The following RBFOX1 variants were observed in gnomAD, a reference collection of about 807,000 sequenced individuals.
The protein encoded by RBFOX1 is RNA binding fox-1 homolog 1.
A neutral mutation model predicts 57.7 loss-of-function variants in RBFOX1; 8 were observed. That is an observed-to-expected ratio of 0.14 (90% CI 0.08 to 0.25). The LOEUF (loss-of-function observed/expected upper bound fraction) is 0.25. RBFOX1 is among the 10% of genes least tolerant of loss of function. The pLI is 1.00. For missense variants in RBFOX1, 611 were observed against 548.5 expected (o/e 1.11, Z -1.14); for synonymous variants, 326 against 222.4 (o/e 1.47, Z -4.15).
chr16:5,640,574 CACAT>C (rs546192946), intron 3 of RBFOX1, among the ~76,000 whole-genome samples: 55 of 151,928 alleles, frequency 3.6e-4, no homozygotes, highest in Non-Finnish European at 5.4e-4. Context: ...CATATGCACA[CACAT>C]ACACAGATGC....
At chr16:5,666,746 AT>A (rs1209072817) in intron 3 of RBFOX1, among the ~76,000 whole-genome samples, 2 of 152,104 alleles carry the variant, frequency 1.3e-5, no homozygotes, top group African/African-American at 2.4e-5. Flanking sequence ...ATGGATCTCT[AT>A]TTCTCCTGCT....
At chr16:7,056,997 G>C (rs1347738382) in intron 4 of RBFOX1, among the ~76,000 whole-genome samples, 1 of 150,818 alleles carries the variant, frequency 6.6e-6, no homozygotes, top group Non-Finnish European at 1.5e-5. Flanking sequence ...CATAGGATTG[G>C]TGACTGGATA....
At chr16:6,832,388 C>T (rs2092770252) in intron 3 of RBFOX1, among the ~76,000 whole-genome samples, 1 of 152,114 alleles carries the variant, frequency 6.6e-6, no homozygotes, top group Non-Finnish European at 1.5e-5. Context: ...ATGATTTCCC[C>T]AGATTGCTAC....
intron 1 of RBFOX1, among the ~76,000 whole-genome samples, chr16:5,419,121 G>A (rs967905098): frequency 6.6e-6 from 1 of 152,174 alleles, no homozygotes; most frequent in Non-Finnish European, 1.5e-5. Context: ...TCCCTGGTGT[G>A]GAAGGCTGGA....
chr16:5,974,025 A>G (rs573488133), intron 4 of RBFOX1, among the ~76,000 whole-genome samples: 3 of 152,224 alleles, frequency 2.0e-5, no homozygotes, highest in Non-Finnish European at 4.4e-5. Flanking sequence ...CCTCATTTGT[A>G]AAATAGAGAT....
At chr16:6,175,829 C>T (rs2097002338) in intron 1 of RBFOX1, among the ~76,000 whole-genome samples, 1 of 152,012 alleles carries the variant, frequency 6.6e-6, no homozygotes, top group Non-Finnish European at 1.5e-5. Context: ...CACACGGGGA[C>T]AATCAGAAAT....
chr16:6,108,913 C>G (rs1597383377), intron 1 of RBFOX1, among the ~76,000 whole-genome samples: 1 of 152,162 alleles, frequency 6.6e-6, no homozygotes, highest in Non-Finnish European at 1.5e-5. Flanking sequence ...CCTAGATAAT[C>G]CAGAATAATC....
At chr16:6,724,524 G>A (rs957574083) in intron 3 of RBFOX1, among the ~76,000 whole-genome samples, 2 of 152,048 alleles carry the variant, frequency 1.3e-5, no homozygotes, top group Admixed American at 6.5e-5. Flanking sequence ...TTCTGTGGAC[G>A]AGGAAGCAGG....
At chr16:7,028,732 C>A (rs1204650495) in intron 3 of RBFOX1, among the ~76,000 whole-genome samples, 1 of 150,818 alleles carries the variant, frequency 6.6e-6, no homozygotes, top group South Asian at 2.1e-4. Context: ...ACTTGATATG[C>A]ACAGGAAATG....
chr16:7,121,607 A>C (rs376929104), intron 4 of RBFOX1, among the ~76,000 whole-genome samples: 209 of 152,186 alleles, frequency 1.4e-3, no homozygotes, highest in African/African-American at 4.5e-3. Flanking sequence ...TCATTGTAGT[A>C]AAAGTATTAA....
chr16:5,820,001 G>A (rs1188248495), intron 3 of RBFOX1, among the ~76,000 whole-genome samples: 2 of 152,182 alleles, frequency 1.3e-5, no homozygotes, highest in East Asian at 3.9e-4. Context: ...CACCAGACCG[G>A]GACCTCTGGC....
chr16:5,768,128 T>C (rs1370119441), intron 3 of RBFOX1, among the ~76,000 whole-genome samples: 1 of 152,208 alleles, frequency 6.6e-6, no homozygotes, highest in African/African-American at 2.4e-5. Context: ...GTCAGATTTC[T>C]CTATAGTCTG....
At chr16:6,721,214 A>T (rs1422271649) in intron 3 of RBFOX1, among the ~76,000 whole-genome samples, 1 of 152,198 alleles carries the variant, frequency 6.6e-6, no homozygotes, top group Admixed American at 6.5e-5. Flanking sequence ...AGGCCAAGGC[A>T]GGTGGATCAC....
intron 6 of RBFOX1, among the ~76,000 whole-genome samples, chr16:7,586,143 G>A (rs2094111247): frequency 6.6e-6 from 1 of 152,158 alleles, no homozygotes; most frequent in African/African-American, 2.4e-5. Context: ...AAGAGCATTT[G>A]CTCTCATTCT....
At chr16:5,548,369 A>T (rs963510961) in intron 2 of RBFOX1, among the ~76,000 whole-genome samples, 20 of 151,508 alleles carry the variant, frequency 1.3e-4, no homozygotes, top group Admixed American at 1.3e-3. Context: ...GTACTCCCTG[A>T]ATCTAAAATA....
At chr16:6,803,066 TTG>T (rs891493979) in intron 3 of RBFOX1, among the ~76,000 whole-genome samples, 1 of 152,160 alleles carries the variant, frequency 6.6e-6, no homozygotes, top group Non-Finnish European at 1.5e-5. Context: ...AAATGTTACT[TTG>T]TGTGTGTGTT....
At chr16:6,367,548 G>A (rs1161828776) in intron 2 of RBFOX1, among the ~76,000 whole-genome samples, 1 of 152,082 alleles carries the variant, frequency 6.6e-6, no homozygotes, top group African/African-American at 2.4e-5. Context: ...GGGATTACAG[G>A]CGTGAGCCAA....
chr16:7,197,949 C>T (rs962037068), intron 4 of RBFOX1, among the ~76,000 whole-genome samples: 1 of 143,392 alleles, frequency 7.0e-6, no homozygotes, highest in Non-Finnish European at 1.5e-5. Flanking sequence ...TGTGTTTTCT[C>T]TTTTTTCCCC....
chr16:7,572,210 A>G (rs188667264), intron 5 of RBFOX1, among the ~76,000 whole-genome samples: 1 of 152,212 alleles, frequency 6.6e-6, no homozygotes, highest in Non-Finnish European at 1.5e-5. Context: ...TTAACCATTC[A>G]CAAAGACTTG....
Sources: gnomAD v4.1 joint callset for allele counts (sites outside exome capture counted in the v4.1 genomes callset) on GRCh38, gnomAD v4.1.1 for gene constraint, MANE v1.5 for transcripts, NCBI Gene and HGNC (gene_info 2026-07-23, HGNC 2026-07-21) for gene names.